Variants in LRRN3 observed in about 807,000 individuals in gnomAD.
LRRN3 encodes leucine-rich repeat neuronal protein 3.
LRRN3 carries 15 observed loss-of-function variants against 40.1 expected under a neutral mutation model. The observed-to-expected ratio is 0.37, with a 90% confidence interval of 0.25 to 0.58. LRRN3 has a LOEUF of 0.58. Ranked by LOEUF, LRRN3 falls within the 20% of genes least tolerant of loss-of-function variation. LRRN3 has a pLI of 0.72. For synonymous variants in LRRN3, 308 were observed against 297.2 expected (o/e 1.04, Z -0.37); for missense variants, 746 against 837.7 (o/e 0.89, Z 1.35).
chr7:111,124,169 C>T lies in LRRN3; in HGVS notation c.1397C>T (p.Pro466Leu). 6.2e-7 allele frequency: 1 copy of T among 1,613,900 alleles called. No homozygotes were observed. The highest frequency in any genetic ancestry group is 8.5e-7 in the Non-Finnish European group (1 of 1,179,954). ...ACACCTTCTGGTCAAAAACTCTTGCCTAATACCCTGACAGACAAGTTCTAT... is the reference window on the plus strand; with the variant it reads ...ACACCTTCTGGTCAAAAACTCTTGCTTAATACCCTGACAGACAAGTTCTAT... ...WITPSGQKLL[P>L]NTLTDKFYVH... is the part of the protein sequence containing the mutation. The change falls in exon 3 of 3, where the codon CCT becomes CTT. Residue 466 changes from proline to leucine, a missense_variant. Physicochemically the swap from Pro to Leu is moderately conservative, Grantham distance 98. Coordinates refer to ENST00000308478, the MANE Select transcript of LRRN3 (RefSeq NM_001099658.2).
chr7:111,121,014 A>G (rs998829985), intron 2 of LRRN3, among the ~76,000 whole-genome samples: 4 of 152,128 alleles, frequency 2.6e-5, no homozygotes, highest in Non-Finnish European at 5.9e-5. Context: ...TTTCAAAGCT[A>G]ATGAAAATAT....
At chr7:111,106,326 T>A (rs1222874732) in intron 2 of LRRN3, among the ~76,000 whole-genome samples, 1 of 151,962 alleles carries the variant, frequency 6.6e-6, no homozygotes, top group South Asian at 2.1e-4. Flanking sequence ...CTTTTCAAAC[T>A]CTACAGACAT....
At chr7:111,108,298 T>A (rs1321955646) in intron 2 of LRRN3, among the ~76,000 whole-genome samples, 3 of 152,192 alleles carry the variant, frequency 2.0e-5, no homozygotes, top group Non-Finnish European at 4.4e-5. Flanking sequence ...CTCTTTTTGT[T>A]GTTGATACAG....
intron 2 of LRRN3, among the ~76,000 whole-genome samples, chr7:111,114,167 T>C (rs951584737): frequency 4.0e-5 from 6 of 151,156 alleles, no homozygotes; most frequent in African/African-American, 1.2e-4. Context: ...CACACATTTT[T>C]GCCAGGAAAA....
chr7:111,112,083 G>A (rs904276190), intron 2 of LRRN3, among the ~76,000 whole-genome samples: 3 of 151,158 alleles, frequency 2.0e-5, no homozygotes, highest in African/African-American at 4.9e-5. Flanking sequence ...GAGTAGCTGG[G>A]TTTACAGGCG....
intron 2 of LRRN3, among the ~76,000 whole-genome samples, chr7:111,114,766 A>G (rs1336494667): frequency 1.3e-5 from 2 of 151,900 alleles, no homozygotes; most frequent in Admixed American, 6.6e-5. Context: ...AAGAAAGAAA[A>G]AAAAAGAAAT....
At chr7:111,112,446 A>G in intron 2 of LRRN3, among the ~76,000 whole-genome samples, 1 of 151,978 alleles carries the variant, frequency 6.6e-6, no homozygotes, top group Admixed American at 6.5e-5. Flanking sequence ...GAAAGAGCTC[A>G]TGTCCTGTAC....
chr7:111,119,005 C>A (rs779905624), intron 2 of LRRN3, among the ~76,000 whole-genome samples: 1 of 152,072 alleles, frequency 6.6e-6, no homozygotes, highest in Non-Finnish European at 1.5e-5. Flanking sequence ...AAGACACCCA[C>A]CAGGATAATT....
chr7:111,097,818 AATGACCTTTAC>A (rs1441922326), intron 1 of LRRN3, among the ~76,000 whole-genome samples: 10 of 151,888 alleles, frequency 6.6e-5, no homozygotes, highest in Admixed American at 1.3e-4. Context: ...ATGGAACCAC[AATGACCTTTAC>A]TGAAATTTCA....
chr7:111,110,718 T>C (rs1326349537), intron 2 of LRRN3, among the ~76,000 whole-genome samples: 1 of 152,202 alleles, frequency 6.6e-6, no homozygotes, highest in African/African-American at 2.4e-5. Flanking sequence ...GACTGAGCAA[T>C]GTGAACTATT....
chr7:111,092,217 C>T (rs896003744), intron 1 of LRRN3, among the ~76,000 whole-genome samples: 1 of 152,206 alleles, frequency 6.6e-6, no homozygotes, highest in Non-Finnish European at 1.5e-5. Context: ...ATTGCTAATG[C>T]AGCTGGAACT....
intron 2 of LRRN3, among the ~76,000 whole-genome samples, chr7:111,115,973 G>A (rs1451510581): frequency 1.3e-5 from 2 of 152,042 alleles, no homozygotes; most frequent in Admixed American, 6.6e-5. Context: ...CACCACATCC[G>A]GCCGGAATTA....
intron 1 of LRRN3, among the ~76,000 whole-genome samples, chr7:111,095,442 T>C (rs1033272591): frequency 5.3e-5 from 8 of 151,912 alleles, no homozygotes; most frequent in African/African-American, 1.4e-4. Flanking sequence ...AATTCACAGA[T>C]ATGTACAAAA....
chr7:111,097,843 G>A (rs1797566950), intron 1 of LRRN3, among the ~76,000 whole-genome samples: 1 of 151,556 alleles, frequency 6.6e-6, no homozygotes, highest in South Asian at 2.1e-4. Context: ...AATTTCAATA[G>A]TTGCAGGAAA....
At chr7:111,122,285 C>T (rs1329821158) in intron 2 of LRRN3, 130 bp from the exon 3 acceptor site, 1 of 152,354 alleles carries the variant, frequency 6.6e-6, no homozygotes, top group Non-Finnish European at 1.5e-5. Context: ...TACTGAAGTA[C>T]TTAAACTCTA....
At chr7:111,103,764 G>T (rs191492009) in intron 2 of LRRN3, among the ~76,000 whole-genome samples, 1 of 151,372 alleles carries the variant, frequency 6.6e-6, no homozygotes, top group Non-Finnish European at 1.5e-5. Flanking sequence ...AACTTTTAAC[G>T]CATTATTTTA....
At chr7:111,098,028 A>C (rs2129579291) in intron 1 of LRRN3, among the ~76,000 whole-genome samples, 1 of 152,012 alleles carries the variant, frequency 6.6e-6, no homozygotes, top group Non-Finnish European at 1.5e-5. Flanking sequence ...GCAACAGAAC[A>C]GAATGGAAAG....
rs142837864 is a variant in LRRN3, at chr7:111,115,977, G to A, written c.-358-6438G>A. ...CAGGCATGAGCCACCACATCCGGCC[G>A]GAATTATTGTTTAAAGAAAACTATC... On this transcript the variant is annotated intron_variant, in intron 2 of 2. Coordinates refer to ENST00000308478, the MANE Select transcript of LRRN3 (RefSeq NM_001099658.2). Among the ~76,000 whole-genome samples, 504 of 152,116 alleles carry A rather than the reference G, an allele frequency of 3.3e-3. 5 individuals carry two copies. Among genetic ancestry groups the A allele is most frequent in the African/African-American group, 0.011 (474 of 41,484 alleles).
At chr7:111,099,257 T>A (rs185182769) in intron 1 of LRRN3, among the ~76,000 whole-genome samples, 1 of 151,716 alleles carries the variant, frequency 6.6e-6, no homozygotes, top group Admixed American at 6.6e-5. Flanking sequence ...TTTCCTTGTA[T>A]CTAGTTCCAA....
Sources: allele counts gnomAD v4.1 joint callset (sites outside exome capture counted in the v4.1 genomes callset), GRCh38; gene constraint gnomAD v4.1.1; transcripts MANE v1.5; gene names NCBI Gene and HGNC (gene_info 2026-07-23, HGNC 2026-07-21).